The following HCN1 variants were observed in gnomAD, a reference collection of about 807,000 sequenced individuals.
The protein encoded by HCN1 is potassium/sodium hyperpolarization-activated cyclic nucleotide-gated channel 1.
In HCN1, 13 loss-of-function variants were observed where a neutral mutation model predicts 78.9. That is an observed-to-expected ratio of 0.16 (90% CI 0.11 to 0.26). The LOEUF (loss-of-function observed/expected upper bound fraction) is 0.26, where lower values mean the gene tolerates loss of function less well. Among genes scored for constraint, HCN1 ranks in the 10% least tolerant of loss-of-function variants. The probability of loss-of-function intolerance (pLI) is 1.00; values close to 1 mark genes in which losing one functional copy is unlikely to be tolerated. For missense variants in HCN1, 810 were observed against 1,154.3 expected (o/e 0.70, Z 4.32); for synonymous variants, 552 against 455.5 (o/e 1.21, Z -2.70).
intron 3 of HCN1, among the ~76,000 whole-genome samples, chr5:45,460,993 A>T (rs1377202209): frequency 6.6e-6 from 1 of 152,078 alleles, no homozygotes; most frequent in African/African-American, 2.4e-5. Context: ...AATGTCACAC[A>T]TCAAAGAGGG....
chr5:45,374,926 G>T (rs1300338448), intron 4 of HCN1, among the ~76,000 whole-genome samples: 1 of 143,920 alleles, frequency 6.9e-6, no homozygotes, highest in Non-Finnish European at 1.5e-5. Flanking sequence ...CTATACTATA[G>T]TTCATGGAAA....
At chr5:45,592,442 A>G (rs1399260497) in intron 2 of HCN1, among the ~76,000 whole-genome samples, 1 of 152,176 alleles carries the variant, frequency 6.6e-6, no homozygotes, top group Non-Finnish European at 1.5e-5. Flanking sequence ...GAACTATATT[A>G]GAGAAAGAAA....
At chr5:45,551,881 A>G (rs1435446377) in intron 2 of HCN1, among the ~76,000 whole-genome samples, 1 of 151,986 alleles carries the variant, frequency 6.6e-6, no homozygotes, top group African/African-American at 2.4e-5. Context: ...AAACTAATTT[A>G]ACCTATTATT....
intron 2 of HCN1, among the ~76,000 whole-genome samples, chr5:45,584,717 C>T (rs1316675166): frequency 1.3e-5 from 2 of 152,124 alleles, no homozygotes; most frequent in African/African-American, 4.8e-5. Context: ...TCTTTTAGGG[C>T]AGGCCTGGTG....
intron 5 of HCN1, among the ~76,000 whole-genome samples, chr5:45,316,917 A>T (rs1300185194): frequency 6.6e-6 from 1 of 152,220 alleles, no homozygotes; most frequent in East Asian, 1.9e-4. Context: ...ATAAAAGAGG[A>T]TACAAACAAA....
rs759733460 is a variant in HCN1 at position 45,262,648 on chromosome 5, G to A, written c.1946C>T (p.Ser649Phe). The A allele has an allele frequency of 6.2e-7, 1 of 1,614,044 alleles. No homozygotes were observed. The highest frequency in any genetic ancestry group is 1.1e-5 in the South Asian group (1 of 91,070). Residue 649 changes from serine (S) to phenylalanine (F), a missense_variant, in exon 8 of 8, where the codon TCC becomes TTC. Physicochemically the swap from Ser to Phe is radical, Grantham distance 155. Coordinates refer to ENST00000303230, the MANE Select transcript of HCN1 (RefSeq NM_021072.4). ...INYPQMTTLN[S>F]TSSTTTPTSR... ...GGTCGGGGTCGTAGTAGACGATGTGGAATTCAGGGTTGTCATTTGAGGATA... is the reference window on the plus strand; with the variant it reads ...GGTCGGGGTCGTAGTAGACGATGTGAAATTCAGGGTTGTCATTTGAGGATA...
chr5:45,373,614 AT>A (rs1189071540), intron 4 of HCN1, among the ~76,000 whole-genome samples: 2 of 137,840 alleles, frequency 1.5e-5, no homozygotes, highest in African/African-American at 2.7e-5. Context: ...TACGTCATCT[AT>A]AATATATTAC....
chr5:45,514,319 C>T (rs1490191303), intron 2 of HCN1, among the ~76,000 whole-genome samples: 2 of 152,080 alleles, frequency 1.3e-5, no homozygotes, highest in Non-Finnish European at 2.9e-5. Flanking sequence ...TTCATTATTG[C>T]CACAATCATC....
intron 5 of HCN1, among the ~76,000 whole-genome samples, chr5:45,311,896 A>G (rs1037271281): frequency 6.6e-6 from 1 of 152,220 alleles, no homozygotes; most frequent in African/African-American, 2.4e-5. Flanking sequence ...GCTGTGGGCT[A>G]AACACTGGGA....
At chr5:45,396,152 G>A (rs146353595) in intron 4 of HCN1, among the ~76,000 whole-genome samples, 4 of 152,224 alleles carry the variant, frequency 2.6e-5, no homozygotes, top group East Asian at 3.9e-4. Context: ...TAACACATAC[G>A]AGAGAAGGGT....
At chr5:45,307,864 G>GT (rs768622667) in intron 5 of HCN1, among the ~76,000 whole-genome samples, 3 of 152,100 alleles carry the variant, frequency 2.0e-5, no homozygotes, top group Non-Finnish European at 4.4e-5. Flanking sequence ...GCATACTAAT[G>GT]TAAGGTATTA....
chr5:45,499,177 G>A (rs1239841404), intron 2 of HCN1, among the ~76,000 whole-genome samples: 2 of 152,138 alleles, frequency 1.3e-5, no homozygotes, highest in African/African-American at 2.4e-5. Context: ...ACCCCTCCCC[G>A]AGCTTTGCTG....
chr5:45,329,094 G>T (rs1166404390), intron 5 of HCN1, among the ~76,000 whole-genome samples: 1 of 151,598 alleles, frequency 6.6e-6, no homozygotes, highest in East Asian at 1.9e-4. Context: ...CATTTTCTAA[G>T]ACTATTTTCA....
intron 3 of HCN1, among the ~76,000 whole-genome samples, chr5:45,428,893 G>C (rs918841521): frequency 6.6e-6 from 1 of 151,864 alleles, no homozygotes; most frequent in African/African-American, 2.4e-5. Flanking sequence ...ATATGTAATC[G>C]GAAAAGTGCA....
At chr5:45,406,071 A>C (rs1739913555) in intron 3 of HCN1, among the ~76,000 whole-genome samples, 1 of 152,172 alleles carries the variant, frequency 6.6e-6, no homozygotes, top group African/African-American at 2.4e-5. Flanking sequence ...AAATTAAACA[A>C]ATCAATGCAT....
intron 5 of HCN1, among the ~76,000 whole-genome samples, chr5:45,308,888 T>C (rs902250118): frequency 6.6e-6 from 1 of 152,150 alleles, no homozygotes; most frequent in Non-Finnish European, 1.5e-5. Context: ...AACAGTTTTT[T>C]CTAGTTCTGT....
chr5:45,268,346 TTTGA>T (rs1214621353), intron 6 of HCN1, among the ~76,000 whole-genome samples: 1 of 152,230 alleles, frequency 6.6e-6, no homozygotes, highest in Non-Finnish European at 1.5e-5. Context: ...TACTGTAGGC[TTTGA>T]TTATTTTTAA....
intron 2 of HCN1, among the ~76,000 whole-genome samples, chr5:45,631,817 G>T (rs1255572643): frequency 6.6e-6 from 1 of 152,106 alleles, no homozygotes; most frequent in Non-Finnish European, 1.5e-5. Context: ...TAATTTAGGA[G>T]AATATGTTTC....
chr5:45,373,138 G>C (rs1358428697), intron 4 of HCN1, among the ~76,000 whole-genome samples: 9 of 117,782 alleles, frequency 7.6e-5, no homozygotes, highest in African/African-American at 2.6e-4. Context: ...AAAATATATA[G>C]TATATAATAT....
Sources: allele counts gnomAD v4.1 joint callset (sites outside exome capture counted in the v4.1 genomes callset), GRCh38; gene constraint gnomAD v4.1.1; transcripts MANE v1.5; gene names NCBI Gene and HGNC (gene_info 2026-07-23, HGNC 2026-07-21).